The following CDH8 variants were observed in gnomAD, a reference collection of about 807,000 sequenced individuals.
CDH8 encodes the protein cadherin-8.
In CDH8, 17 loss-of-function variants were observed where a neutral mutation model predicts 68.1. That is an observed-to-expected ratio of 0.25 (90% CI 0.17 to 0.37). The LOEUF is 0.37. Ranked by LOEUF, CDH8 falls within the 10% of genes least tolerant of loss-of-function variation. CDH8 has a pLI of 1.00. For synonymous variants in CDH8, 372 were observed against 365.1 expected, an observed-to-expected ratio of 1.02 and a Z score of -0.21; for missense variants, 763 against 999.3, an observed-to-expected ratio of 0.76 and a Z score of 3.19.
intron 8 of CDH8, among the ~76,000 whole-genome samples, chr16:61,781,602 G>A (rs2142992338): frequency 6.6e-6 from 1 of 152,188 alleles, no homozygotes; most frequent in South Asian, 2.1e-4. Flanking sequence ...CTATCTCAAA[G>A]GTAACATGAA....
chr16:61,695,082 T>G (rs1037591632), intron 10 of CDH8, among the ~76,000 whole-genome samples: 2 of 151,934 alleles, frequency 1.3e-5, no homozygotes, highest in African/African-American at 4.8e-5. Flanking sequence ...CCCGGCCTTC[T>G]TCTTCTTCTT....
At chr16:61,865,531 G>A (rs1387128773) in intron 3 of CDH8, among the ~76,000 whole-genome samples, 3 of 152,070 alleles carry the variant, frequency 2.0e-5, no homozygotes, top group East Asian at 1.9e-4. Context: ...TGCACAGAGG[G>A]GAACTACCTT....
intron 7 of CDH8, among the ~76,000 whole-genome samples, chr16:61,807,493 AAAAAAC>A (rs1961820629): frequency 6.6e-6 from 1 of 151,710 alleles, no homozygotes; most frequent in Admixed American, 6.6e-5. Flanking sequence ...AACAAAAAAC[AAAAAAC>A]AAAAACAAAC....
intron 2 of CDH8, among the ~76,000 whole-genome samples, chr16:61,917,437 G>A (rs1964259190): frequency 6.6e-6 from 1 of 152,118 alleles, no homozygotes; most frequent in Admixed American, 6.5e-5. Context: ...CAACATTTGA[G>A]CCTAGTGTGT....
At chr16:62,027,197 T>C (rs1902216763) in intron 1 of CDH8, among the ~76,000 whole-genome samples, 1 of 152,204 alleles carries the variant, frequency 6.6e-6, no homozygotes, top group Non-Finnish European at 1.5e-5. Context: ...GATGATATAT[T>C]TTCCTGGGTA....
At chr16:61,963,607 G>A (rs185966736) in intron 2 of CDH8, among the ~76,000 whole-genome samples, 39 of 152,268 alleles carry the variant, frequency 2.6e-4, no homozygotes, top group African/African-American at 6.3e-4. Context: ...AAAAATTAAC[G>A]ATAAAGTGAG....
intron 10 of CDH8, chr16:61,711,511 T>C (rs1175108833): frequency 6.6e-6 from 1 of 151,764 alleles, no homozygotes; most frequent in East Asian, 1.9e-4. Context: ...AAAATATATA[T>C]ATATCCAACA....
chr16:61,927,710 G>T (rs991332270), intron 2 of CDH8, among the ~76,000 whole-genome samples: 4 of 152,182 alleles, frequency 2.6e-5, no homozygotes, highest in Admixed American at 2.0e-4. Flanking sequence ...CCCAGGCATC[G>T]TCAAACTCTG....
intron 2 of CDH8, among the ~76,000 whole-genome samples, chr16:61,903,609 C>G (rs974979229): frequency 2.2e-4 from 34 of 152,072 alleles, no homozygotes; most frequent in African/African-American, 7.7e-4. Flanking sequence ...CCTCGCCCGG[C>G]GAAGCATAGG....
chr16:61,764,848 G>A (rs16963933), intron 8 of CDH8, among the ~76,000 whole-genome samples: 6,454 of 152,036 alleles, frequency 0.042, 464 homozygotes, highest in African/African-American at 0.15. Flanking sequence ...TTTGTAAATC[G>A]TTCAGAGCAT....
In CDH8 at chr16:61,652,675, T is replaced by C. The variant is rs889299964; in HGVS notation, c.*933A>G. ...CAATCTAAAGGATTATTAATGGATATAATTTAGTTTTTTCCCATATATCCC... is the reference window on the plus strand; with the variant it reads ...CAATCTAAAGGATTATTAATGGATACAATTTAGTTTTTTCCCATATATCCC... On this transcript the variant is annotated 3_prime_UTR_variant, in exon 12 of 12. Transcript: ENST00000577390. 22 of 1,182,474 alleles carry C rather than the reference T, an allele frequency of 1.9e-5. No individual in the cohort carries two copies. Among genetic ancestry groups the C allele is most frequent in the Middle Eastern group, 3.2e-4 (1 of 3,154 alleles). The allele number at this position is 1,182,474 out of a possible 1,614,324, so 73.2% of individuals were successfully genotyped here. A position where few individuals can be genotyped will look rare whatever the true frequency, so the allele number is the denominator to read the frequency against.
intron 4 of CDH8, among the ~76,000 whole-genome samples, chr16:61,844,100 A>G (rs1962747342): frequency 6.6e-6 from 1 of 152,070 alleles, no homozygotes; most frequent in South Asian, 2.1e-4. Flanking sequence ...GCAGCCATAA[A>G]AAATGATGAC....
intron 3 of CDH8, among the ~76,000 whole-genome samples, chr16:61,868,535 C>A (rs938083178): frequency 1.3e-5 from 2 of 152,138 alleles, no homozygotes; most frequent in Admixed American, 6.5e-5. Flanking sequence ...CCAGTCCCAA[C>A]ATAAGCCAGA....
chr16:62,007,540 C>G (rs1965997646), intron 2 of CDH8, among the ~76,000 whole-genome samples: 1 of 152,140 alleles, frequency 6.6e-6, no homozygotes, highest in South Asian at 2.1e-4. Context: ...TCCTGTCAGC[C>G]TCAGCTATTC....
intron 7 of CDH8, 42 bp downstream of exon 7, chr16:61,817,437 T>C (rs772619039): frequency 1.9e-6 from 3 of 1,605,570 alleles, no homozygotes; most frequent in Non-Finnish European, 1.7e-6. Flanking sequence ...CTGATCTGCT[T>C]GTCATTTGCA....
rs947699297 is a variant in CDH8, at chr16:61,979,704, A to G, written c.252+41448T>C. Among the ~76,000 whole-genome samples the G allele has an allele frequency of 2.6e-5, 4 of 152,002 alleles. No individual in the cohort carries two copies. In the South Asian group the frequency reaches 8.3e-4, roughly 32 times the overall value. On this transcript the variant is annotated intron_variant, in intron 2 of 11. Coordinates refer to ENST00000577390, the MANE Select transcript of CDH8 (RefSeq NM_001796.5). ...TATAATGTCAGCCACTGTTCTAATC[A>G]GTGAATACTCTCCTGACTTCAGAAA...
At chr16:61,735,787 G>C (rs773199532) in intron 8 of CDH8, among the ~76,000 whole-genome samples, 1 of 151,910 alleles carries the variant, frequency 6.6e-6, no homozygotes, top group African/African-American at 2.4e-5. Context: ...GGTATAGAAA[G>C]GTGGAGGCCA....
intron 4 of CDH8, among the ~76,000 whole-genome samples, chr16:61,845,965 A>T (rs1962798112): frequency 6.6e-6 from 1 of 152,146 alleles, no homozygotes; most frequent in African/African-American, 2.4e-5. Flanking sequence ...GGGGAAAAAA[A>T]GGTAAGCCTA....
At chr16:61,679,920 A>T (rs768499851) in intron 10 of CDH8, among the ~76,000 whole-genome samples, 20 of 151,982 alleles carry the variant, frequency 1.3e-4, no homozygotes, top group Non-Finnish European at 2.6e-4. Flanking sequence ...AAAGTTCCTC[A>T]TTGTATTGTA....
Sources: allele counts gnomAD v4.1 joint callset (sites outside exome capture counted in the v4.1 genomes callset), GRCh38; gene constraint gnomAD v4.1.1; transcripts MANE v1.5; gene names NCBI Gene and HGNC (gene_info 2026-07-23, HGNC 2026-07-21).